Variants in UTRN observed in about 807,000 individuals in gnomAD.
UTRN encodes dystrophin-related protein 1.
A neutral mutation model predicts 463.9 loss-of-function variants in UTRN; 283 were observed. The ratio of observed to expected loss-of-function variants is 0.61; its 90% CI spans 0.55 to 0.67. The LOEUF (loss-of-function observed/expected upper bound fraction) is 0.67. Ranked by LOEUF, UTRN falls within the 30% of genes least tolerant of loss-of-function variation. The pLI is 0.00. For synonymous variants in UTRN, 1,442 were observed against 1,431.5 expected, an observed-to-expected ratio of 1.01 and a Z score of -0.17; for missense variants, 3,922 against 4,084.3, an observed-to-expected ratio of 0.96 and a Z score of 1.08.
intron 51 of UTRN, among the ~76,000 whole-genome samples, chr6:144,641,015 G>C (rs922219312): frequency 3.3e-5 from 5 of 151,968 alleles, no homozygotes; most frequent in Non-Finnish European, 7.4e-5. Context: ...TGTATCTTAG[G>C]GTTCCTAACT....
chr6:144,787,417 A>C (rs937417308), intron 61 of UTRN, among the ~76,000 whole-genome samples: 1 of 152,190 alleles, frequency 6.6e-6, no homozygotes, highest in Non-Finnish European at 1.5e-5. Flanking sequence ...AGTATTAGTC[A>C]CTTCATAGGT....
At chr6:144,340,335 TTATAA>T (rs1777051112) in intron 2 of UTRN, among the ~76,000 whole-genome samples, 1 of 152,266 alleles carries the variant, frequency 6.6e-6, no homozygotes, top group Non-Finnish European at 1.5e-5. Flanking sequence ...GGACTGACAG[TTATAA>T]TATGATGTTC....
At position 144,366,951 on chromosome 6, in the gene UTRN, G is replaced by A. The variant is rs1046456194; in HGVS notation, c.80-36172G>A. Reference sequence around the variant, plus strand: ...TTTGATAATAGCCATTCTGAGTGATGTGAGATGGTATCTCTACTTGCATTT... The same window carrying A: ...TTTGATAATAGCCATTCTGAGTGATATGAGATGGTATCTCTACTTGCATTT... On this transcript the variant is annotated intron_variant, in intron 2 of 74. Transcript: ENST00000367545. 5.9e-5 allele frequency among the ~76,000 whole-genome samples: 9 copies of A among 152,108 alleles called. No homozygotes were observed. The East Asian group carries it at 1.4e-3, about 23-fold the overall frequency.
At chr6:144,567,189 G>A (rs1472816822) in intron 50 of UTRN, among the ~76,000 whole-genome samples, 1 of 152,076 alleles carries the variant, frequency 6.6e-6, no homozygotes, top group Non-Finnish European at 1.5e-5. Flanking sequence ...TATGGAAACT[G>A]GTTTCAGTGA....
intron 2 of UTRN, among the ~76,000 whole-genome samples, chr6:144,334,887 G>C (rs1414305149): frequency 6.6e-6 from 1 of 152,214 alleles, no homozygotes; most frequent in Admixed American, 6.5e-5. Flanking sequence ...CATTTTTCAA[G>C]TGAGAGTTGA....
At chr6:144,485,351 CTT>C in intron 27 of UTRN, 32 bp from the exon 28 acceptor site, 1 of 1,612,916 alleles carries the variant, frequency 6.2e-7, no homozygotes, top group Non-Finnish European at 8.5e-7. Flanking sequence ...TGTGAAATGG[CTT>C]TTTGTCTAAT....
At chr6:144,745,044 G>T (rs13205125) in intron 54 of UTRN, among the ~76,000 whole-genome samples, 3,394 of 152,186 alleles carry the variant, frequency 0.022, 53 homozygotes, top group Non-Finnish European at 0.033. Context: ...ACTACCTTTT[G>T]GGGGAGGGTT....
At chr6:144,578,236 T>C (rs2128625199) in intron 51 of UTRN, among the ~76,000 whole-genome samples, 1 of 152,306 alleles carries the variant, frequency 6.6e-6, no homozygotes, top group East Asian at 1.9e-4. Flanking sequence ...CCTATTTCAA[T>C]GGGGAAGTCT....
At position 144,791,104 on chromosome 6, in the gene UTRN, G is replaced by GT. The variant is rs1212152635; in HGVS notation, c.8920+1829dup. Among the ~76,000 whole-genome samples the GT allele has an allele frequency of 2.6e-5, 4 of 152,138 alleles. No individual in the cohort carries two copies. In the East Asian group the frequency reaches 7.7e-4, roughly 29 times the overall value. On this transcript the variant is annotated intron_variant, in intron 62 of 74. Transcript: ENST00000367545. ...TATCTAGACTTTGGAATGTCCTGGG[G>GT]TTTTATTTTGCTTTTTACTTTGAGG...
At chr6:144,784,958 T>A (rs1265207833) in intron 61 of UTRN, among the ~76,000 whole-genome samples, 2 of 151,998 alleles carry the variant, frequency 1.3e-5, no homozygotes, top group Admixed American at 1.3e-4. Flanking sequence ...TTGGAGAGAG[T>A]ATTGGGGATT....
intron 19 of UTRN, among the ~76,000 whole-genome samples, chr6:144,457,559 A>G (rs967992988): frequency 2.6e-5 from 4 of 152,204 alleles, no homozygotes; most frequent in African/African-American, 9.6e-5. Context: ...TACTCTCCCC[A>G]TTAACAGGGG....
At chr6:144,360,638 G>T (rs1779000946) in intron 2 of UTRN, among the ~76,000 whole-genome samples, 2 of 152,166 alleles carry the variant, frequency 1.3e-5, no homozygotes, top group South Asian at 4.1e-4. Context: ...TCACACTCAG[G>T]GCTGGCAGGA....
At chr6:144,463,854 C>T (rs1487362734) in intron 23 of UTRN, among the ~76,000 whole-genome samples, 1 of 150,520 alleles carries the variant, frequency 6.6e-6, no homozygotes, top group Non-Finnish European at 1.5e-5. Flanking sequence ...AAGCTAAATC[C>T]AAATATGTGT....
chr6:144,706,599 T>C (rs1785126030), intron 53 of UTRN: 1 of 152,196 alleles, frequency 6.6e-6, no homozygotes, highest in Non-Finnish European at 1.5e-5. Context: ...TTACGTATTC[T>C]CATTATAATA....
intron 2 of UTRN, among the ~76,000 whole-genome samples, chr6:144,402,554 A>G (rs1240649168): frequency 4.6e-5 from 7 of 152,078 alleles, no homozygotes; most frequent in African/African-American, 1.4e-4. Context: ...TGATTTTTCT[A>G]CCTGTAAAAG....
At chr6:144,525,402 G>A (rs1396831491) in intron 41 of UTRN, among the ~76,000 whole-genome samples, 3 of 151,864 alleles carry the variant, frequency 2.0e-5, no homozygotes, top group African/African-American at 7.3e-5. Flanking sequence ...TTTCTTCCTG[G>A]TTTAATTTAG....
chr6:144,754,920 A>T, intron 57 of UTRN, 122 bp downstream of exon 57: 1 of 858,922 alleles, frequency 1.2e-6, no homozygotes, highest in South Asian at 1.9e-5. Context: ...CCTTGTAAGG[A>T]GGTACTAACA....
At chr6:144,753,805 T>C (rs1035105619) in intron 56 of UTRN, among the ~76,000 whole-genome samples, 6 of 151,380 alleles carry the variant, frequency 4.0e-5, no homozygotes, top group South Asian at 2.1e-4. Flanking sequence ...AGGTCGAGGC[T>C]GCAGTAAGCC....
At chr6:144,488,892 C>A in intron 30 of UTRN, 58 bp downstream of exon 30, 1 of 1,455,836 alleles carries the variant, frequency 6.9e-7, no homozygotes, top group East Asian at 2.5e-5. Flanking sequence ...TAATTGCCTC[C>A]TCAACTATAA....
Sources: allele counts gnomAD v4.1 joint callset (sites outside exome capture counted in the v4.1 genomes callset), GRCh38; gene constraint gnomAD v4.1.1; transcripts MANE v1.5; gene names NCBI Gene and HGNC (gene_info 2026-07-23, HGNC 2026-07-21).